The following WDR70 variants were observed in gnomAD, a reference collection of about 807,000 sequenced individuals.
WDR70 encodes the protein WD repeat-containing protein 70.
A neutral mutation model predicts 88.6 loss-of-function variants in WDR70; 53 were observed. That is an observed-to-expected ratio of 0.60 (90% CI 0.48 to 0.75). WDR70 has a LOEUF of 0.75. WDR70 is among the 30% of genes least tolerant of loss of function. The pLI, the probability that WDR70 is intolerant of heterozygous loss-of-function variation, is 0.00. For missense variants in WDR70, 610 were observed against 823.2 expected, an observed-to-expected ratio of 0.74 and a Z score of 3.17; for synonymous variants, 280 against 270.0, an observed-to-expected ratio of 1.04 and a Z score of -0.36.
chr5:37,466,928 T>C (rs1353309867), intron 7 of WDR70, among the ~76,000 whole-genome samples: 1 of 151,910 alleles, frequency 6.6e-6, no homozygotes, highest in African/African-American at 2.4e-5. Context: ...TACCATAAAT[T>C]GGGTAGCTTA....
intron 9 of WDR70, among the ~76,000 whole-genome samples, chr5:37,524,509 C>T (rs1240865116): frequency 2.0e-5 from 3 of 152,170 alleles, no homozygotes; most frequent in Admixed American, 6.5e-5. Context: ...ACAACCGCTA[C>T]CAGCCACTGC....
chr5:37,683,873 G>A (rs549056399), intron 10 of WDR70, among the ~76,000 whole-genome samples: 2 of 152,258 alleles, frequency 1.3e-5, no homozygotes, highest in African/African-American at 4.8e-5. Flanking sequence ...TTTCCTGAAT[G>A]TGAATGTTGG....
At chr5:37,699,315 ACTTTC>A (rs1338478437) in intron 11 of WDR70, among the ~76,000 whole-genome samples, 2 of 146,546 alleles carry the variant, frequency 1.4e-5, no homozygotes, top group African/African-American at 5.1e-5. Flanking sequence ...GATAATTCTT[ACTTTC>A]CTTTCCATCA....
At chr5:37,574,376 A>C (rs1333179809) in intron 9 of WDR70, among the ~76,000 whole-genome samples, 1 of 152,208 alleles carries the variant, frequency 6.6e-6, no homozygotes, top group Admixed American at 6.5e-5. Flanking sequence ...TCCTAGCAGC[A>C]TACCCCCCTC....
intron 10 of WDR70, among the ~76,000 whole-genome samples, chr5:37,613,741 C>T (rs1017352438): frequency 1.3e-5 from 2 of 151,882 alleles, no homozygotes; most frequent in Non-Finnish European, 2.9e-5. Flanking sequence ...ATATTTTAAG[C>T]ACTTGTAATA....
intron 3 of WDR70, among the ~76,000 whole-genome samples, chr5:37,390,992 A>G (rs13356496): frequency 0.13 from 19,376 of 152,212 alleles, 4,056 homozygotes; most frequent in African/African-American, 0.44. Flanking sequence ...CTGGGATTAC[A>G]AGCATGAGCC....
At chr5:37,414,861 T>C (rs1186468156) in intron 5 of WDR70, among the ~76,000 whole-genome samples, 4 of 149,882 alleles carry the variant, frequency 2.7e-5, no homozygotes, top group South Asian at 4.2e-4. Context: ...AGGACAATAG[T>C]GGAGGGAAGG....
intron 10 of WDR70, among the ~76,000 whole-genome samples, chr5:37,646,273 T>C (rs989425635): frequency 6.6e-6 from 1 of 152,120 alleles, no homozygotes; most frequent in Non-Finnish European, 1.5e-5. Flanking sequence ...ACTCTACAAT[T>C]TAACTTCATC....
intron 10 of WDR70, among the ~76,000 whole-genome samples, chr5:37,677,807 G>C (rs949472467): frequency 1.3e-5 from 2 of 151,796 alleles, no homozygotes; most frequent in Non-Finnish European, 2.9e-5. Flanking sequence ...TTTCTGTCTC[G>C]ATCTGTCTAA....
At chr5:37,483,974 C>T (rs1373299399) in intron 8 of WDR70, among the ~76,000 whole-genome samples, 28 of 147,072 alleles carry the variant, frequency 1.9e-4, no homozygotes, top group African/African-American at 5.6e-4. Context: ...GGGGCAGAGG[C>T]GCTCCCCACA....
At chr5:37,697,591 C>A in intron 10 of WDR70, 64 bp from the exon 11 acceptor site, 1 of 1,321,022 alleles carries the variant, frequency 7.6e-7, no homozygotes. Flanking sequence ...AATGTTCTTG[C>A]CACAAAACTG....
At chr5:37,668,463 A>C in intron 10 of WDR70, among the ~76,000 whole-genome samples, 1 of 152,210 alleles carries the variant, frequency 6.6e-6, no homozygotes. Flanking sequence ...GTTTTTTTGC[A>C]TTCAGATTTC....
chr5:37,528,238 A>G (rs1741362640), intron 9 of WDR70, among the ~76,000 whole-genome samples: 1 of 152,224 alleles, frequency 6.6e-6, no homozygotes, highest in South Asian at 2.1e-4. Flanking sequence ...CCAAATGTCC[A>G]TCAATGATAG....
intron 10 of WDR70, among the ~76,000 whole-genome samples, chr5:37,626,004 G>GTT (rs75271863): frequency 0.037 from 5,185 of 141,322 alleles, 253 homozygotes; most frequent in African/African-American, 0.11. Flanking sequence ...TTCTAAGAGA[G>GTT]TTTTTTTTTT....
chr5:37,481,018 T>G lies in WDR70; in HGVS notation c.840+1031T>G, dbSNP rs528591143. Among the ~76,000 whole-genome samples, 245 of 152,324 alleles carry G rather than the reference T, an allele frequency of 1.6e-3. 2 individuals carry two copies. The highest frequency in any genetic ancestry group is 5.5e-3 in the African/African-American group (229 of 41,576). On this transcript the variant is annotated intron_variant, in intron 8 of 17. Transcript: ENST00000265107. ...AGTCCAAAACCCAGCAGGCAAATCT[T>G]AAAGCTCCAAAATGACCTCCTTTGA...
At chr5:37,706,570 A>G (rs535703486) in intron 13 of WDR70, among the ~76,000 whole-genome samples, 38 of 152,266 alleles carry the variant, frequency 2.5e-4, no homozygotes, top group African/African-American at 9.1e-4. Flanking sequence ...GCCACCATGT[A>G]AGACGTGCCT....
chr5:37,642,323 T>C (rs1000693621), intron 10 of WDR70, among the ~76,000 whole-genome samples: 12 of 152,324 alleles, frequency 7.9e-5, no homozygotes, highest in Admixed American at 7.8e-4. Context: ...CATCTTCTTA[T>C]TGACTGAAGA....
intron 10 of WDR70, among the ~76,000 whole-genome samples, chr5:37,616,178 G>A (rs1451809974): frequency 6.6e-6 from 1 of 151,864 alleles, no homozygotes; most frequent in African/African-American, 2.4e-5. Flanking sequence ...GTGCAGTGGT[G>A]CAATCTTGGC....
intron 7 of WDR70, among the ~76,000 whole-genome samples, chr5:37,474,722 C>T (rs1036127058): frequency 6.6e-6 from 1 of 152,134 alleles, no homozygotes; most frequent in Non-Finnish European, 1.5e-5. Flanking sequence ...TGCTCTCCCC[C>T]TGCCACCCAG....
Sources: gnomAD v4.1 joint callset for allele counts (sites outside exome capture counted in the v4.1 genomes callset) on GRCh38, gnomAD v4.1.1 for gene constraint, MANE v1.5 for transcripts, NCBI Gene and HGNC (gene_info 2026-07-23, HGNC 2026-07-21) for gene names.